Variants in SGSM3 observed in about 807,000 individuals in gnomAD.
The protein encoded by SGSM3 is RUN and SH3 containing 3.
In SGSM3, 96 loss-of-function variants were observed where a neutral mutation model predicts 100.5. The ratio of observed to expected loss-of-function variants is 0.96; its 90% CI spans 0.81 to 1.13. The LOEUF is 1.13. Ranked by LOEUF, SGSM3 falls within the 50% of genes most tolerant of loss-of-function variation. The probability of loss-of-function intolerance (pLI) is 0.00; values close to 1 mark genes in which losing one functional copy is unlikely to be tolerated. For missense variants in SGSM3, 1,001 were observed against 1,015.8 expected, an observed-to-expected ratio of 0.99 and a Z score of 0.20; for synonymous variants, 483 against 422.8, an observed-to-expected ratio of 1.14 and a Z score of -1.75.
At chr22:40,408,898 GGAGCCT>G in intron 18 of SGSM3, 29 bp from the exon 19 acceptor site, 1 of 1,613,930 alleles carries the variant, frequency 6.2e-7, no homozygotes, top group South Asian at 1.1e-5. Context: ...AGCCTGTGGG[GGAGCCT>G]GAGTGACAGC....
chr22:40,380,351 A>G (rs775994999), intron 1 of SGSM3, among the ~76,000 whole-genome samples: 3 of 149,644 alleles, frequency 2.0e-5, no homozygotes, highest in Non-Finnish European at 4.4e-5. Flanking sequence ...TTTTTTAACC[A>G]TGAATATCTA....
At chr22:40,409,398 A>G in intron 20 of SGSM3, 26 bp downstream of exon 20, 3 of 1,577,906 alleles carry the variant, frequency 1.9e-6, no homozygotes, top group Non-Finnish European at 2.6e-6. Flanking sequence ...GGCTTGGGGG[A>G]TGGAGGTGGG....
chr22:40,405,185 C>T lies in SGSM3; in HGVS notation c.519C>T (p.Phe173=), dbSNP rs373888486. 1.5e-5 allele frequency: 24 copies of T among 1,579,924 alleles called. No homozygotes were observed. The highest frequency in any genetic ancestry group is 2.0e-5 in the Non-Finnish European group (23 of 1,161,856). Residue 173 remains phenylalanine (F), a synonymous_variant, in exon 7 of 22, where the codon TTC becomes TTT. Transcript: ENST00000248929. ...GCACCATGCCCAGCAACGCCTGCTT[C>T]GCCAGCATGGGTAGCATCGGGGTGC... ...LLRTMPSNAC[F]ASMGSIGVPR... is the part of the protein sequence containing the mutation.
intron 8 of SGSM3, 105 bp from the exon 9 acceptor site, chr22:40,405,973 C>T (rs1163916035): frequency 2.7e-6 from 4 of 1,501,072 alleles, no homozygotes; most frequent in East Asian, 4.5e-5. Context: ...GTGTTCCCTG[C>T]CCCCTCCCCT....
intron 16 of SGSM3, 32 bp downstream of exon 16, chr22:40,408,461 C>T (rs773470742): frequency 6.2e-7 from 1 of 1,612,340 alleles, no homozygotes. Context: ...TGACCCCCAC[C>T]CTGCACCAGC....
At chr22:40,373,804 C>T (rs761725624) in intron 1 of SGSM3, among the ~76,000 whole-genome samples, 23 of 151,768 alleles carry the variant, frequency 1.5e-4, no homozygotes, top group Non-Finnish European at 3.1e-4. Context: ...TTAGTAGAGA[C>T]GAGGTTTCAC....
rs1295482411 is a variant in SGSM3, at chr22:40,410,169, CCCTT to C, written c.*415_*418del. ...AGCTGTATTCAGGTCCAAGGTTCTG[CCCTT>C]CCTTGAGTGGTCTAGAAGGCACTGC... On this transcript the variant is annotated 3_prime_UTR_variant, in exon 22 of 22. Coordinates refer to ENST00000248929, the MANE Select transcript of SGSM3 (RefSeq NM_015705.6). 2 of 1,088,542 alleles carry C rather than the reference CCCTT, an allele frequency of 1.8e-6. No individual in the cohort carries two copies. The highest frequency in any genetic ancestry group is 2.2e-6 in the Non-Finnish European group (2 of 896,520). 67.4% of individuals were successfully genotyped at this position (1,088,542 alleles called of 1,614,324 possible).
intron 1 of SGSM3, among the ~76,000 whole-genome samples, chr22:40,372,047 C>T (rs2045613301): frequency 6.6e-6 from 1 of 151,224 alleles, no homozygotes; most frequent in African/African-American, 2.4e-5. Context: ...TTTGATAATC[C>T]TAAGTGAATG....
Position 40,404,405 on chromosome 22 carries a change from A to C in SGSM3, c.316A>C (p.Lys106Gln). 2 of 1,608,472 alleles carry C rather than the reference A, an allele frequency of 1.2e-6. No homozygotes were observed. Among genetic ancestry groups the C allele is most frequent in the Non-Finnish European group, 8.5e-7 (1 of 1,176,940 alleles). Reference protein sequence around the residue: ...KIAVSLPRSEKLRSLVLAGIP... With the variant: ...KIAVSLPRSEQLRSLVLAGIP... Reference sequence around the variant, plus strand: ...TGCCGTCTCCCTACCCCGCTCTGAGAAGCTCCGCTCCCTGGTGCTGGCCGG... The same window carrying C: ...TGCCGTCTCCCTACCCCGCTCTGAGCAGCTCCGCTCCCTGGTGCTGGCCGG... Residue 106 changes from lysine to glutamine, a missense_variant, in exon 5 of 22, where the codon AAG (lysine) becomes CAG (glutamine). Transcript: ENST00000248929.
At chr22:40,406,039 C>G in intron 8 of SGSM3, 39 bp from the exon 9 acceptor site, 1 of 1,600,336 alleles carries the variant, frequency 6.2e-7, no homozygotes, top group Non-Finnish European at 8.5e-7. Flanking sequence ...GAGGTTTCCA[C>G]CACCTCCTCC....
At position 40,409,976 on chromosome 22, in the gene SGSM3, C is replaced by T. The variant is rs897970052; in HGVS notation, c.*217C>T. The stretch of plus-strand genomic sequence containing the variant: ...CTTAGGGATGCTCTAGGCCAAACCA[C>T]AGTTTGTACCAAAAACCTTGTGAGG... On this transcript the variant is annotated 3_prime_UTR_variant, in exon 22 of 22. Coordinates refer to ENST00000248929, the MANE Select transcript of SGSM3 (RefSeq NM_015705.6). 28 of 1,345,810 alleles carry T rather than the reference C, an allele frequency of 2.1e-5. No individual in the cohort carries two copies. In the African/African-American group the frequency reaches 4.1e-4, roughly 20 times the overall value. The allele number at this position is 1,345,810 out of a possible 1,614,324, so 83.4% of individuals were successfully genotyped here.
rs768101126 is a variant in SGSM3 at position 40,398,396 on chromosome 22, G to A, written c.-111-2300G>A. On this transcript the variant is annotated intron_variant, in intron 1 of 21. Coordinates refer to ENST00000248929, the MANE Select transcript of SGSM3 (RefSeq NM_015705.6). ...TGATGAATGAATGAGTGGGAGGACAGCCAAGATCAGGAAAGGGGAGGGACT... is the reference window on the plus strand; with the variant it reads ...TGATGAATGAATGAGTGGGAGGACAACCAAGATCAGGAAAGGGGAGGGACT... 1.3e-4 allele frequency among the ~76,000 whole-genome samples: 18 copies of A among 141,480 alleles called. 4 individuals carry two copies. The highest frequency in any genetic ancestry group is 2.5e-4 in the Non-Finnish European group (16 of 65,188). 92.8% of individuals were successfully genotyped at this position (141,480 alleles called of 152,430 possible). A position where few individuals can be genotyped will look rare whatever the true frequency, so the allele number is the denominator to read the frequency against.
chr22:40,403,241 CTT>C (rs2050990754), intron 4 of SGSM3, among the ~76,000 whole-genome samples: 1 of 152,200 alleles, frequency 6.6e-6, no homozygotes. Context: ...AAGTTGGTGT[CTT>C]TGAAAGCTGG....
rs376944794 is a variant in SGSM3 at position 40,407,601 on chromosome 22, G to C, written c.1524+33G>C. 74 of 1,594,732 alleles carry C rather than the reference G, an allele frequency of 4.6e-5. No homozygotes were observed. The highest frequency in any genetic ancestry group is 6.2e-5 in the Non-Finnish European group (73 of 1,174,808). On this transcript the variant is annotated intron_variant, in intron 13 of 21. Coordinates refer to ENST00000248929, the MANE Select transcript of SGSM3 (RefSeq NM_015705.6). The surrounding 1 kb of genome is among the most constrained non-coding windows in gnomAD (Gnocchi z 4.7). ...GGGGCGCTGGACTACCAGGTCCTCAGGCTGTGGCGGGTTCCCCAGACTCCC... is the reference window on the plus strand; with the variant it reads ...GGGGCGCTGGACTACCAGGTCCTCACGCTGTGGCGGGTTCCCCAGACTCCC...
At chr22:40,388,704 T>C (rs1038424801) in intron 1 of SGSM3, among the ~76,000 whole-genome samples, 1 of 151,766 alleles carries the variant, frequency 6.6e-6, no homozygotes, top group Non-Finnish European at 1.5e-5. Context: ...ATCATGATGG[T>C]GAAAAGCGAC....
At chr22:40,371,504 C>G (rs1463487612) in intron 1 of SGSM3, among the ~76,000 whole-genome samples, 1 of 152,122 alleles carries the variant, frequency 6.6e-6, no homozygotes, top group Non-Finnish European at 1.5e-5. Context: ...TTCACAAAAA[C>G]TCATTTTCAA....
intron 1 of SGSM3, among the ~76,000 whole-genome samples, chr22:40,393,962 G>A (rs73885695): frequency 0.023 from 3,480 of 152,282 alleles, 132 homozygotes; most frequent in African/African-American, 0.08. Flanking sequence ...ACTCACTTCT[G>A]TTGGTTTCCA....
rs2051949670 is a variant in SGSM3, at chr22:40,408,283, A to G, written c.1636A>G (p.Ile546Val). ...GACCCATCCCTCCCATCAGTACTCC[A>G]TCGCGGGGGATGACTCGGTGACGGA... Reference protein sequence around the residue: ...VLDERSKEYSIAGDDSVTEGV... With the variant: ...VLDERSKEYSVAGDDSVTEGV... The change falls in exon 16 of 22, where the codon ATC becomes GTC. Residue 546 changes from isoleucine to valine, a missense_variant. Ile to Val is a conservative substitution (Grantham distance 29, BLOSUM62 3). Transcript: ENST00000248929. The G allele has an allele frequency of 1.2e-6, 2 of 1,613,518 alleles. No individual in the cohort carries two copies. The highest frequency in any genetic ancestry group is 2.2e-5 in the East Asian group (1 of 44,874).
intron 1 of SGSM3, among the ~76,000 whole-genome samples, chr22:40,371,622 T>A (rs1158066415): frequency 6.6e-6 from 1 of 152,256 alleles, no homozygotes; most frequent in African/African-American, 2.4e-5. Context: ...CTCTGCACTC[T>A]AAACAGTTGA....
Sources: gnomAD v4.1 joint callset for allele counts (sites outside exome capture counted in the v4.1 genomes callset) on GRCh38, gnomAD v4.1.1 for gene constraint, Gnocchi (gnomAD v3.1) non-coding constraint, MANE v1.5 for transcripts, NCBI Gene and HGNC (gene_info 2026-07-23, HGNC 2026-07-21) for gene names.